Variants in UGT1A4 observed in about 807,000 individuals in gnomAD.
The protein encoded by UGT1A4 is UDP glucuronosyltransferase family 1 member A4.
UGT1A4 carries 32 observed loss-of-function variants against 41.1 expected under a neutral mutation model. The observed-to-expected ratio is 0.78, with a 90% CI of 0.59 to 1.05. The LOEUF (loss-of-function observed/expected upper bound fraction) is 1.05, where lower values mean the gene tolerates loss of function less well. UGT1A4 is among the 50% of genes least tolerant of loss of function. The pLI is 0.00. For synonymous variants in UGT1A4, 283 were observed against 265.1 expected (o/e 1.07, Z -0.66); for missense variants, 748 against 677.4 (o/e 1.10, Z -1.16).
At chr2:233,748,129 T>A in intron 1 of UGT1A4, 2 of 1,610,122 alleles carry the variant, frequency 1.2e-6, no homozygotes, top group Admixed American at 1.7e-5. Context: ...AAACAGTTTT[T>A]AAAAATTGTA....
chr2:233,755,003 C>T (rs10929301), intron 1 of UGT1A4: 15 of 1,287,722 alleles, frequency 1.2e-5, no homozygotes, highest in Non-Finnish European at 1.6e-5. Flanking sequence ...AGCTGAAGAC[C>T]TACTCGAAGG....
chr2:233,740,162 T>C (rs747087545), intron 1 of UGT1A4, among the ~76,000 whole-genome samples: 1 of 151,900 alleles, frequency 6.6e-6, no homozygotes, highest in Non-Finnish European at 1.5e-5. Context: ...TCCCCAGTCA[T>C]GTGGAACTGT....
intron 1 of UGT1A4, among the ~76,000 whole-genome samples, chr2:233,720,460 C>G (rs1575532860): frequency 6.6e-6 from 1 of 151,992 alleles, no homozygotes; most frequent in Non-Finnish European, 1.5e-5. Context: ...GAAGCTGGGA[C>G]CAGTGATGAA....
chr2:233,762,199 A>G (rs532806601), intron 1 of UGT1A4, among the ~76,000 whole-genome samples: 7 of 152,296 alleles, frequency 4.6e-5, no homozygotes, highest in Admixed American at 6.5e-5. Context: ...ATGGGTCTGC[A>G]TGTATTTGGC....
rs781679584 is a variant in UGT1A4 at position 233,729,361 on chromosome 2, A to T, written c.867+9674A>T. ...AGAAGAGAACTTTTTCACCCTGACA[A>T]CCTATGCCATTTCGTGGACCCAGGA... On this transcript the variant is annotated intron_variant, in intron 1 of 4. Transcript: ENST00000373409. 4 of 1,613,978 alleles carry T rather than the reference A, an allele frequency of 2.5e-6. No individual in the cohort carries two copies. The Admixed American group carries it at 5.0e-5, about 20-fold the overall frequency.
intron 1 of UGT1A4, among the ~76,000 whole-genome samples, chr2:233,727,747 T>C (rs1157113585): frequency 2.0e-5 from 3 of 152,214 alleles, no homozygotes; most frequent in African/African-American, 7.2e-5. Flanking sequence ...ATCCTGCGTG[T>C]GCTGCCCTTG....
chr2:233,766,270 C>T (rs1699087800), intron 1 of UGT1A4, among the ~76,000 whole-genome samples: 1 of 67,854 alleles, frequency 1.5e-5, no homozygotes. Flanking sequence ...GGCCCGGGCT[C>T]GGTGGCCCGG....
At chr2:233,755,508 C>T (rs1304593728) in intron 1 of UGT1A4, 5 of 166,694 alleles carry the variant, frequency 3.0e-5, no homozygotes, top group Non-Finnish European at 5.2e-5. Flanking sequence ...AGACCAGGCC[C>T]CGCCCACTCC....
chr2:233,741,332 A>G (rs1691632779), intron 1 of UGT1A4, among the ~76,000 whole-genome samples: 1 of 151,816 alleles, frequency 6.6e-6, no homozygotes, highest in South Asian at 2.1e-4. Context: ...CTCTACCCAG[A>G]GTAGTGATTT....
intron 2 of UGT1A4, 150 bp from the exon 3 acceptor site, chr2:233,767,699 A>G: frequency 1.3e-6 from 2 of 1,502,404 alleles, no homozygotes; most frequent in Non-Finnish European, 1.8e-6. Context: ...GGAAGTTGCC[A>G]GTCCTCAGAA....
chr2:233,753,809 G>A (rs1297655785), intron 1 of UGT1A4, among the ~76,000 whole-genome samples: 1 of 152,202 alleles, frequency 6.6e-6, no homozygotes, highest in Non-Finnish European at 1.5e-5. Context: ...CATAGTTGGA[G>A]AACCACGTTA....
At position 233,769,746 on chromosome 2, in the gene UGT1A4, T is replaced by A; in HGVS notation, c.1307+1307T>A. On this transcript the variant is annotated intron_variant, in intron 4 of 4. Transcript: ENST00000373409. This position sits in a 1 kb window ranked among gnomAD's most constrained non-coding sequence, Gnocchi z 4.4. ...GGCACACGCCTGTAGTCCCAGCCAC[T>A]CTGGAGGCTAAGGCGGGAGGATTGC... 3 of 1,441,832 alleles carry A rather than the reference T, an allele frequency of 2.1e-6. No individual in the cohort carries two copies. Among genetic ancestry groups the A allele is most frequent in the Non-Finnish European group, 2.7e-6 (3 of 1,095,648 alleles). The allele number at this position is 1,441,832 out of a possible 1,614,324, so 89.3% of individuals were successfully genotyped here. A position where few individuals can be genotyped will look rare whatever the true frequency, so the allele number is the denominator to read the frequency against.
At chr2:233,736,971 T>A (rs1183929377) in intron 1 of UGT1A4, among the ~76,000 whole-genome samples, 4 of 152,178 alleles carry the variant, frequency 2.6e-5, no homozygotes, top group Non-Finnish European at 5.9e-5. Flanking sequence ...GGGAGGTGTT[T>A]CCCAGTCAAG....
intron 4 of UGT1A4, among the ~76,000 whole-genome samples, chr2:233,768,962 ATAATT>A (rs753324015): frequency 2.0e-5 from 3 of 152,200 alleles, no homozygotes; most frequent in Non-Finnish European, 4.4e-5. Flanking sequence ...AATTTATCAT[ATAATT>A]TATTTAGAAT....
At position 233,750,714 on chromosome 2, in the gene UGT1A4, G is replaced by A. The variant is rs569716311; in HGVS notation, c.868-16320G>A. On this transcript the variant is annotated intron_variant, in intron 1 of 4. Coordinates refer to ENST00000373409, the MANE Select transcript of UGT1A4 (RefSeq NM_007120.3). ...TAAAAGAGGCCAAGGTAGAGCTCAG[G>A]CCATTGCTTCAGAGGGTGCAAACCT... The A allele has an allele frequency of 6.6e-5, 10 of 152,072 alleles. No individual in the cohort carries two copies. In the South Asian group the frequency reaches 8.3e-4, roughly 13 times the overall value. The allele number at this position is 152,072 out of a possible 1,614,324, so 9.4% of individuals were successfully genotyped here. A position where few individuals can be genotyped will look rare whatever the true frequency, so the allele number is the denominator to read the frequency against.
In UGT1A4 at chr2:233,760,405, T is replaced by C. The variant is rs1183811071; in HGVS notation, c.868-6629T>C. On this transcript the variant is annotated intron_variant, in intron 1 of 4. Transcript: ENST00000373409. Reference sequence around the variant, plus strand: ...GTTGATCCCAGTGGATGGCAGCCACTGGCTGAGCATGCTTGGGGCCATCCA... The same window carrying C: ...GTTGATCCCAGTGGATGGCAGCCACCGGCTGAGCATGCTTGGGGCCATCCA... 1.5e-5 allele frequency: 24 copies of C among 1,614,126 alleles called. No homozygotes were observed. Among genetic ancestry groups the C allele is most frequent in the Non-Finnish European group, 1.9e-5 (22 of 1,180,052 alleles).
chr2:233,757,238 G>C (rs191269433), intron 1 of UGT1A4, among the ~76,000 whole-genome samples: 1 of 148,984 alleles, frequency 6.7e-6, no homozygotes, highest in East Asian at 2.0e-4. Flanking sequence ...AGAAGTGGTG[G>C]TGAGGTGGGG....
At chr2:233,729,848 G>A (rs2077933569) in intron 1 of UGT1A4, 3 of 1,613,874 alleles carry the variant, frequency 1.9e-6, no homozygotes, top group Non-Finnish European at 2.5e-6. Context: ...CTTTTTCAGA[G>A]AGAGGTGTCA....
chr2:233,756,182 C>T (rs1035761363), intron 1 of UGT1A4: 1 of 152,192 alleles, frequency 6.6e-6, no homozygotes, highest in African/African-American at 2.4e-5. Flanking sequence ...TTGAGAATCG[C>T]TAGTCTAGCA....
Sources: gnomAD v4.1 joint callset for allele counts (sites outside exome capture counted in the v4.1 genomes callset) on GRCh38, gnomAD v4.1.1 for gene constraint, Gnocchi (gnomAD v3.1) non-coding constraint, MANE v1.5 for transcripts, NCBI Gene and HGNC (gene_info 2026-07-23, HGNC 2026-07-21) for gene names.